ERMP1: variants seen among roughly 807,000 people sequenced by gnomAD.
ERMP1 encodes Felix-ina.
A neutral mutation model predicts 92.0 loss-of-function variants in ERMP1; 86 were observed. That is an observed-to-expected ratio of 0.93 (90% CI 0.79 to 1.12). The LOEUF (loss-of-function observed/expected upper bound fraction) is 1.12, where lower values mean the gene tolerates loss of function less well. Among genes scored for constraint, ERMP1 ranks in the 50% most tolerant of loss-of-function variants. The probability of loss-of-function intolerance (pLI) is 0.00; values close to 1 mark genes in which losing one functional copy is unlikely to be tolerated. For missense variants in ERMP1, 1,342 were observed against 1,116.3 expected, an observed-to-expected ratio of 1.20 and a Z score of -2.88; for synonymous variants, 530 against 412.8, an observed-to-expected ratio of 1.28 and a Z score of -3.44.
chr9:5,827,426 C>T (rs968940782), intron 2 of ERMP1, among the ~76,000 whole-genome samples: 3 of 152,192 alleles, frequency 2.0e-5, no homozygotes, highest in African/African-American at 7.2e-5. Flanking sequence ...TATTGGGCCA[C>T]ATTCAAAGCT....
At chr9:5,841,245 C>T (rs1452681505) in intron 6 of ERMP1, among the ~76,000 whole-genome samples, 1 of 152,118 alleles carries the variant, frequency 6.6e-6, no homozygotes, top group Non-Finnish European at 1.5e-5. Flanking sequence ...ATTATAAAAA[C>T]TTGTTCACAA....
chr9:5,842,977 A>C (rs1830184344), intron 6 of ERMP1, among the ~76,000 whole-genome samples: 1 of 152,250 alleles, frequency 6.6e-6, no homozygotes, highest in Non-Finnish European at 1.5e-5. Context: ...ATCTTTAAGA[A>C]GCTCCACAAA....
intron 5 of ERMP1, among the ~76,000 whole-genome samples, chr9:5,864,652 G>C (rs1325586168): frequency 1.3e-5 from 2 of 152,188 alleles, no homozygotes; most frequent in African/African-American, 2.4e-5. Context: ...AGCTTTTCCA[G>C]ATCCGCAAGA....
At chr9:5,836,160 G>GC (rs1402911004), upstream of ERMP1, among the ~76,000 whole-genome samples, 15 of 152,132 alleles carry the variant, frequency 9.9e-5, no homozygotes, top group Non-Finnish European at 2.1e-4. Flanking sequence ...TAGTAGTTTG[G>GC]CCAAGGTAAG....
rs1829159500 is a variant in ERMP1 at position 5,812,980 on chromosome 9, A to G, written c.930T>C (p.Phe310=). 6.2e-7 allele frequency: 1 copy of G among 1,613,902 alleles called. No individual in the cohort carries two copies. The highest frequency in any genetic ancestry group is 1.3e-5 in the African/African-American group (1 of 74,908). Residue 310 remains phenylalanine (F), a synonymous_variant, in exon 5 of 15, where the codon TTT becomes TTC. Coordinates refer to ENST00000339450, the MANE Select transcript of ERMP1 (RefSeq NM_024896.3). ...AAACCTCCTGAGCCACCACAGAAGC[A>G]AAAGGGTGTTTAGCTGCTGAAACAT... The part of the protein sequence containing the change: ...QAYVSAAKHP[F]ASVVAQEVFQ...
intron 8 of ERMP1, among the ~76,000 whole-genome samples, chr9:5,807,016 T>G (rs1372370402): frequency 2.0e-5 from 3 of 152,168 alleles, no homozygotes; most frequent in African/African-American, 7.2e-5. Flanking sequence ...GCTTGGTCTT[T>G]AAAAATAAGA....
intron 13 of ERMP1, among the ~76,000 whole-genome samples, chr9:5,788,640 G>T (rs1245537838): frequency 6.6e-6 from 1 of 151,318 alleles, no homozygotes; most frequent in Non-Finnish European, 1.5e-5. Flanking sequence ...AAATGAGGAA[G>T]AAAAGGATAA....
chr9:5,838,460 G>C (rs80231223), intron 6 of ERMP1, among the ~76,000 whole-genome samples: 1 of 151,772 alleles, frequency 6.6e-6, no homozygotes, highest in Non-Finnish European at 1.5e-5. Flanking sequence ...TGAGAGGATC[G>C]CTTCCAGGAG....
intron 13 of ERMP1, among the ~76,000 whole-genome samples, chr9:5,788,389 T>C (rs1047466823): frequency 2.0e-5 from 3 of 152,042 alleles, no homozygotes; most frequent in Non-Finnish European, 2.9e-5. Context: ...GTAACAGTCT[T>C]CAAAACCAAA....
At chr9:5,826,363 T>C (rs1319581156) in intron 2 of ERMP1, among the ~76,000 whole-genome samples, 1 of 152,190 alleles carries the variant, frequency 6.6e-6, no homozygotes, top group African/African-American at 2.4e-5. Flanking sequence ...GGAAGTAAAT[T>C]TGAGCTCTGT....
At chr9:5,865,664 C>G (rs1194078061) in intron 5 of ERMP1, among the ~76,000 whole-genome samples, 1 of 150,830 alleles carries the variant, frequency 6.6e-6, no homozygotes, top group Non-Finnish European at 1.5e-5. Flanking sequence ...TCTACTAAAA[C>G]CTGGTCTCTA....
At chr9:5,787,677 A>G in intron 13 of ERMP1, 84 bp from the exon 14 acceptor site, 1 of 1,373,980 alleles carries the variant, frequency 7.3e-7, no homozygotes, top group Non-Finnish European at 1.0e-6. Context: ...GACTTCATAA[A>G]GGTTCATGCC....
In ERMP1 at chr9:5,810,347, A is replaced by G. The variant is rs530648486; in HGVS notation, c.1328-116T>C. 4 of 672,674 alleles carry G rather than the reference A, an allele frequency of 5.9e-6. No homozygotes were observed. In the South Asian group the frequency reaches 7.6e-5, roughly 13 times the overall value. 41.7% of individuals were successfully genotyped at this position (672,674 alleles called of 1,614,324 possible). A position where few individuals can be genotyped will look rare whatever the true frequency, so the allele number is the denominator to read the frequency against. On this transcript the variant is annotated intron_variant, in intron 7 of 14. Transcript: ENST00000339450. ...ACAAAAAACTCCCCACTGTACTTGA[A>G]AAGTATGAAAATGTCCTAGTGTTGA...
chr9:5,823,243 C>T (rs189473430), intron 4 of ERMP1, among the ~76,000 whole-genome samples: 143 of 152,132 alleles, frequency 9.4e-4, no homozygotes, highest in African/African-American at 3.4e-3. Context: ...CACCAGTGCA[C>T]TCGAGCCTGG....
At chr9:5,804,522 T>A (rs190675779) in intron 10 of ERMP1, among the ~76,000 whole-genome samples, 6 of 152,318 alleles carry the variant, frequency 3.9e-5, no homozygotes, top group Admixed American at 3.9e-4. Context: ...TTGGGTGTCA[T>A]AACAGACTCA....
rs534309046 is a variant in ERMP1 at position 5,860,603 on chromosome 9, C to T, written n.3056-992G>A. Among the ~76,000 whole-genome samples the T allele has an allele frequency of 6.4e-4, 88 of 136,834 alleles. 1 individual carries two copies. Among genetic ancestry groups the T allele is most frequent in the African/African-American group, 2.3e-3 (86 of 36,812 alleles). The allele number at this position is 136,834 out of a possible 152,430, so 89.8% of individuals were successfully genotyped here. ...GTTGCAAGGACAATTTTATCAACTT[C>T]AGTCCACAATTTTTTTTTTTTTTGT... On this transcript the variant is annotated intron_variant and non_coding_transcript_variant, in intron 5 of 6. Transcript: ENST00000690753.
intron 2 of ERMP1, 143 bp from the exon 3 acceptor site, chr9:5,825,362 G>T (rs972458230): frequency 2.6e-6 from 2 of 779,634 alleles, no homozygotes; most frequent in Non-Finnish European, 4.0e-6. Context: ...ATCATCAGGT[G>T]ACAATCACAC....
rs1829716900 is a variant in ERMP1, at chr9:5,825,928, G to C, written c.641-709C>G. Among the ~76,000 whole-genome samples the C allele has an allele frequency of 2.0e-5, 3 of 152,122 alleles. No homozygotes were observed. The South Asian group carries it at 6.2e-4, about 31-fold the overall frequency. On this transcript the variant is annotated intron_variant, in intron 2 of 14. Transcript: ENST00000339450. ...GACTTAACTGTCTTGCTTTTTTAAA[G>C]CATTGTAAGAGACAATTAAAGGAAT...
chr9:5,830,962 C>A lies in ERMP1; in HGVS notation c.405G>T (p.Leu135=), dbSNP rs181771166. Residue 135 remains leucine, a synonymous_variant, in exon 2 of 15, where the codon CTG becomes CTT. Coordinates refer to ENST00000339450, the MANE Select transcript of ERMP1 (RefSeq NM_024896.3). The part of the protein sequence containing the change: ...RTTGSPENEI[L]TVHYLLEQIK... ...TCTGTTCCAAAAGGTAGTGCACGGTCAGAATTTCATTTTCTGGACTTCCTG... is the reference window on the plus strand; with the variant it reads ...TCTGTTCCAAAAGGTAGTGCACGGTAAGAATTTCATTTTCTGGACTTCCTG... The A allele has an allele frequency of 3.1e-6, 5 of 1,614,110 alleles. No homozygotes were observed. The highest frequency in any genetic ancestry group is 3.3e-5 in the Admixed American group (2 of 60,024).
Sources: allele counts gnomAD v4.1 joint callset (sites outside exome capture counted in the v4.1 genomes callset), GRCh38; gene constraint gnomAD v4.1.1; transcripts MANE v1.5; gene names NCBI Gene and HGNC (gene_info 2026-07-23, HGNC 2026-07-21).